The following CPNE8 variants were observed in gnomAD, a reference collection of about 807,000 sequenced individuals.
CPNE8 encodes the protein copine-8.
Under a neutral mutation model 81.5 loss-of-function variants are expected in CPNE8, and 45 were observed. That is an observed-to-expected ratio of 0.55 (90% CI 0.44 to 0.71). CPNE8 has a LOEUF of 0.71. Ranked by LOEUF, CPNE8 falls within the 30% of genes least tolerant of loss-of-function variation. The probability of loss-of-function intolerance (pLI) is 0.00; values close to 1 mark genes in which losing one functional copy is unlikely to be tolerated. For missense variants in CPNE8, 594 were observed against 672.1 expected (o/e 0.88, Z 1.28); for synonymous variants, 252 against 226.3 (o/e 1.11, Z -1.02).
intron 3 of CPNE8, among the ~76,000 whole-genome samples, chr12:38,852,463 G>C (rs191592832): frequency 6.7e-6 from 1 of 149,470 alleles, no homozygotes; most frequent in Admixed American, 6.7e-5. Flanking sequence ...TTAGCCAGGC[G>C]TGGTGGCGCA....
intron 10 of CPNE8, among the ~76,000 whole-genome samples, chr12:38,731,727 TA>T (rs1404657731): frequency 6.6e-6 from 1 of 151,920 alleles, no homozygotes; most frequent in Non-Finnish European, 1.5e-5. Context: ...CCCAAACTTC[TA>T]GAACTCACTT....
intron 15 of CPNE8, among the ~76,000 whole-genome samples, chr12:38,688,267 A>G (rs1288531114): frequency 6.6e-6 from 1 of 152,212 alleles, no homozygotes; most frequent in Non-Finnish European, 1.5e-5. Flanking sequence ...TAGATGTTCT[A>G]TTCATCAACA....
chr12:38,776,121 A>T (rs1352515492), intron 7 of CPNE8, 117 bp downstream of exon 7: 4 of 429,982 alleles, frequency 9.3e-6, no homozygotes, highest in Non-Finnish European at 1.7e-5. Flanking sequence ...TTTATGGGTT[A>T]TAAAATTGTA....
intron 6 of CPNE8, among the ~76,000 whole-genome samples, chr12:38,789,640 T>A (rs535451990): frequency 6.6e-6 from 1 of 151,638 alleles, no homozygotes; most frequent in South Asian, 2.1e-4. Flanking sequence ...TAGGAAACAA[T>A]CAACTCAGGG....
At chr12:38,877,597 C>T (rs945149840) in intron 1 of CPNE8, among the ~76,000 whole-genome samples, 2 of 151,982 alleles carry the variant, frequency 1.3e-5, no homozygotes, top group Non-Finnish European at 2.9e-5. Flanking sequence ...ATACAGTGTA[C>T]AAGTTAGAAA....
chr12:38,833,500 C>A (rs114254868), intron 5 of CPNE8, among the ~76,000 whole-genome samples: 1,473 of 97,648 alleles, frequency 0.015, 22 homozygotes, highest in African/African-American at 0.051. Context: ...TTTTTTGAGA[C>A]GGGAGTCTTG....
chr12:38,744,427 T>C (rs553379237), intron 10 of CPNE8, among the ~76,000 whole-genome samples: 1 of 152,254 alleles, frequency 6.6e-6, no homozygotes, highest in South Asian at 2.1e-4. Context: ...CGACCTCTAT[T>C]CCCCCAACTG....
chr12:38,675,074 C>T (rs1049348913), intron 18 of CPNE8, among the ~76,000 whole-genome samples: 2 of 152,186 alleles, frequency 1.3e-5, no homozygotes, highest in South Asian at 4.1e-4. Context: ...ACATTTGTCT[C>T]TTAATGGGCA....
At chr12:38,786,555 A>C (rs1942191728) in intron 6 of CPNE8, among the ~76,000 whole-genome samples, 1 of 152,162 alleles carries the variant, frequency 6.6e-6, no homozygotes. Flanking sequence ...CTCAGCCTGC[A>C]GATGGCCTAT....
intron 6 of CPNE8, among the ~76,000 whole-genome samples, chr12:38,801,415 T>A (rs1300549710): frequency 3.0e-5 from 1 of 33,854 alleles, no homozygotes; most frequent in African/African-American, 1.5e-4. Flanking sequence ...CTAAGCTTCA[T>A]AAGTGAAGGA....
chr12:38,881,652 T>C (rs189116761), intron 1 of CPNE8, among the ~76,000 whole-genome samples: 1,653 of 152,352 alleles, frequency 0.011, 22 homozygotes, highest in South Asian at 0.039. Flanking sequence ...GAGAATTAAC[T>C]GTAAAATTTT....
intron 13 of CPNE8, among the ~76,000 whole-genome samples, chr12:38,715,877 C>T (rs1428595338): frequency 1.3e-5 from 2 of 151,808 alleles, no homozygotes; most frequent in Non-Finnish European, 2.9e-5. Context: ...GTGATATGAC[C>T]GTATATCTAG....
chr12:38,773,148 G>A (rs1306557310), intron 7 of CPNE8, among the ~76,000 whole-genome samples: 3 of 151,934 alleles, frequency 2.0e-5, no homozygotes, highest in Non-Finnish European at 4.4e-5. Context: ...ATGGTTTCCC[G>A]GGATTGAGGG....
rs1289235906 is a variant in CPNE8 at position 38,653,173 on chromosome 12, G to C, written c.*709C>G. On this transcript the variant is annotated 3_prime_UTR_variant, in exon 20 of 20. Coordinates refer to ENST00000331366, the MANE Select transcript of CPNE8 (RefSeq NM_153634.3). ...TGTTACAAAATACAAACCAACTGCAGTCTAAATTTAGAACCCAAACTCCAT... is the reference window on the plus strand; with the variant it reads ...TGTTACAAAATACAAACCAACTGCACTCTAAATTTAGAACCCAAACTCCAT... 6.6e-6 allele frequency: 1 copy of C among 152,356 alleles called. No individual in the cohort carries two copies. The highest frequency in any genetic ancestry group is 1.5e-5 in the Non-Finnish European group (1 of 68,018). The allele number at this position is 152,356 out of a possible 1,614,324, so 9.4% of individuals were successfully genotyped here.
intron 4 of CPNE8, among the ~76,000 whole-genome samples, chr12:38,843,292 G>A (rs1226368939): frequency 6.6e-6 from 1 of 151,596 alleles, no homozygotes; most frequent in Admixed American, 6.6e-5. Flanking sequence ...AAGGCCCAAA[G>A]AAAAAAAACA....
At chr12:38,800,173 C>A (rs866903274) in intron 6 of CPNE8, among the ~76,000 whole-genome samples, 1,446 of 118,672 alleles carry the variant, frequency 0.012, 29 homozygotes, top group Admixed American at 0.023. Flanking sequence ...AGGAGGCCTG[C>A]CTGCCTCTGT....
rs532714671 is a variant in CPNE8 at position 38,897,823 on chromosome 12, G to A, written c.98+7614C>T. Among the ~76,000 whole-genome samples, 11 of 152,134 alleles carry A rather than the reference G, an allele frequency of 7.2e-5. No individual in the cohort carries two copies. In the East Asian group the frequency reaches 2.1e-3, roughly 29 times the overall value. ...TGTAATCATTGAGTGCTTAACTAATGTCACAAGCAGTGTTTTATCTCACTT... is the reference window on the plus strand; with the variant it reads ...TGTAATCATTGAGTGCTTAACTAATATCACAAGCAGTGTTTTATCTCACTT... On this transcript the variant is annotated intron_variant, in intron 1 of 19. Transcript: ENST00000331366.
At chr12:38,751,709 T>C (rs898273586) in intron 10 of CPNE8, among the ~76,000 whole-genome samples, 2 of 152,134 alleles carry the variant, frequency 1.3e-5, no homozygotes. Context: ...AAAATATATA[T>C]ATTTATTTTG....
At chr12:38,731,937 T>TC (rs1408392567) in intron 10 of CPNE8, among the ~76,000 whole-genome samples, 6 of 151,912 alleles carry the variant, frequency 3.9e-5, no homozygotes, top group African/African-American at 1.4e-4. Flanking sequence ...TATGAAGGTT[T>TC]TTTTTTAGAA....
Sources: allele counts gnomAD v4.1 joint callset (sites outside exome capture counted in the v4.1 genomes callset), GRCh38; gene constraint gnomAD v4.1.1; transcripts MANE v1.5; gene names NCBI Gene and HGNC (gene_info 2026-07-23, HGNC 2026-07-21).